Variants in CSMD1 observed in about 807,000 individuals in gnomAD.
CSMD1 encodes CUB and sushi domain-containing protein 1.
Under a neutral mutation model 417.5 loss-of-function variants are expected in CSMD1, and 213 were observed. That is an observed-to-expected ratio of 0.51 (90% CI 0.46 to 0.57). The LOEUF (loss-of-function observed/expected upper bound fraction) is 0.57. Among genes scored for constraint, CSMD1 ranks in the 20% least tolerant of loss-of-function variants. CSMD1 has a pLI of 0.00. For synonymous variants in CSMD1, 2,862 were observed against 1,736.8 expected (o/e 1.65, Z -16.11); for missense variants, 6,923 against 4,529.7 (o/e 1.53, Z -15.17).
At chr8:4,150,774 T>C (rs954291667) in intron 3 of CSMD1, among the ~76,000 whole-genome samples, 2 of 152,168 alleles carry the variant, frequency 1.3e-5, no homozygotes, top group African/African-American at 4.8e-5. Flanking sequence ...TCTAAAAAGA[T>C]CATTTAAATG....
intron 46 of CSMD1, 70 bp downstream of exon 46, chr8:3,106,458 G>A: frequency 3.3e-6 from 3 of 902,218 alleles, no homozygotes; most frequent in Non-Finnish European, 5.2e-6. Context: ...AAGAAATGCA[G>A]ACCAATACAA....
intron 3 of CSMD1, among the ~76,000 whole-genome samples, chr8:4,051,839 T>C (rs994049888): frequency 7.7e-6 from 1 of 130,370 alleles, no homozygotes; most frequent in Non-Finnish European, 1.6e-5. Context: ...CTCTTTCTTT[T>C]CTTTCTTTTC....
intron 1 of CSMD1, among the ~76,000 whole-genome samples, chr8:4,984,776 G>C (rs535307376): frequency 6.6e-6 from 1 of 152,178 alleles, no homozygotes. Flanking sequence ...AAAACCCCCA[G>C]ATTCTTGCCA....
intron 3 of CSMD1, among the ~76,000 whole-genome samples, chr8:4,159,322 C>CATT (rs1797014514): frequency 6.6e-6 from 1 of 152,046 alleles, no homozygotes; most frequent in Non-Finnish European, 1.5e-5. Context: ...AATTAATGTC[C>CATT]ATTATTAGTA....
chr8:3,652,008 C>A (rs143959447), intron 7 of CSMD1, among the ~76,000 whole-genome samples: 1 of 143,682 alleles, frequency 7.0e-6, no homozygotes, highest in Non-Finnish European at 1.5e-5. Flanking sequence ...ACCATCAGTG[C>A]GCTTACCACC....
At chr8:4,929,674 G>A (rs1048967664) in intron 1 of CSMD1, among the ~76,000 whole-genome samples, 4 of 152,108 alleles carry the variant, frequency 2.6e-5, no homozygotes, top group African/African-American at 9.7e-5. Context: ...ACATCTCCCA[G>A]AAAACTTCAG....
chr8:3,895,593 C>T (rs1003942220), intron 5 of CSMD1, among the ~76,000 whole-genome samples: 1 of 152,062 alleles, frequency 6.6e-6, no homozygotes, highest in Non-Finnish European at 1.5e-5. Flanking sequence ...TTTCTAATGC[C>T]CATATATGTA....
chr8:3,048,509 T>C (rs906599271), intron 50 of CSMD1, among the ~76,000 whole-genome samples: 1 of 152,060 alleles, frequency 6.6e-6, no homozygotes. Context: ...CAATAAATGG[T>C]GCTGGAAAAA....
chr8:4,717,310 C>CATATATATATATATATATATATAT (rs377764710), intron 1 of CSMD1, among the ~76,000 whole-genome samples: 45 of 137,118 alleles, frequency 3.3e-4, no homozygotes, highest in East Asian at 1.2e-3. Context: ...TCTCTCTCTC[C>CATATATATATATATATATATATAT]ATATATATAT....
At chr8:3,497,690 G>A (rs967668959) in intron 10 of CSMD1, among the ~76,000 whole-genome samples, 1 of 152,194 alleles carries the variant, frequency 6.6e-6, no homozygotes, top group Non-Finnish European at 1.5e-5. Context: ...TGCCTTTACA[G>A]GTGCAGTGAG....
chr8:3,957,527 T>TA (rs916020768), intron 5 of CSMD1, among the ~76,000 whole-genome samples: 2 of 151,894 alleles, frequency 1.3e-5, no homozygotes, highest in Non-Finnish European at 2.9e-5. Flanking sequence ...AATAAAATTT[T>TA]AAAAAAACTA....
At chr8:3,046,523 C>A (rs184564758) in intron 50 of CSMD1, among the ~76,000 whole-genome samples, 242 of 152,274 alleles carry the variant, frequency 1.6e-3, no homozygotes, top group African/African-American at 3.0e-3. Flanking sequence ...TCCTCGCCCC[C>A]ACGGATCATG....
chr8:4,083,097 C>T (rs1298591426), intron 3 of CSMD1, among the ~76,000 whole-genome samples: 3 of 151,992 alleles, frequency 2.0e-5, no homozygotes, highest in East Asian at 3.9e-4. Context: ...TTCTTTATAG[C>T]AGCATGATTT....
intron 2 of CSMD1, among the ~76,000 whole-genome samples, chr8:4,502,291 C>T (rs927673751): frequency 9.9e-5 from 15 of 151,946 alleles, no homozygotes; most frequent in African/African-American, 2.2e-4. Context: ...TTAGATTCTC[C>T]GAGGCTCAGT....
intron 5 of CSMD1, among the ~76,000 whole-genome samples, chr8:3,800,488 T>G (rs1317877188): frequency 6.6e-6 from 1 of 152,108 alleles, no homozygotes; most frequent in African/African-American, 2.4e-5. Context: ...AAAAATGCAT[T>G]TGGATCCCTA....
chr8:4,294,469 A>G (rs1032585541), intron 3 of CSMD1, among the ~76,000 whole-genome samples: 1 of 152,136 alleles, frequency 6.6e-6, no homozygotes, highest in African/African-American at 2.4e-5. Flanking sequence ...GATCTAAATC[A>G]CTGATCTCTG....
At chr8:4,538,152 A>G (rs1328987165) in intron 2 of CSMD1, among the ~76,000 whole-genome samples, 2 of 151,600 alleles carry the variant, frequency 1.3e-5, no homozygotes, top group Non-Finnish European at 2.9e-5. Context: ...GCACAGGTAT[A>G]CCATGACTCC....
At chr8:4,260,869 C>A (rs896248557) in intron 3 of CSMD1, among the ~76,000 whole-genome samples, 3 of 152,140 alleles carry the variant, frequency 2.0e-5, no homozygotes, top group African/African-American at 7.2e-5. Flanking sequence ...AAAGACAAAT[C>A]TTAATCTTTG....
chr8:4,100,102 G>C (rs534482710), intron 3 of CSMD1, among the ~76,000 whole-genome samples: 2 of 152,130 alleles, frequency 1.3e-5, no homozygotes, highest in East Asian at 1.9e-4. Context: ...CTACTCACTG[G>C]CTTTCTGACT....
Sources: allele counts gnomAD v4.1 joint callset (sites outside exome capture counted in the v4.1 genomes callset), GRCh38; gene constraint gnomAD v4.1.1; transcripts MANE v1.5; gene names NCBI Gene and HGNC (gene_info 2026-07-23, HGNC 2026-07-21).